The following PTDSS1 variants were observed in gnomAD, a reference collection of about 807,000 sequenced individuals.
The protein encoded by PTDSS1 is PSS-1.
Under a neutral mutation model 70.5 loss-of-function variants are expected in PTDSS1, and 45 were observed. The observed-to-expected ratio is 0.64, with a 90% CI of 0.50 to 0.82. The LOEUF (loss-of-function observed/expected upper bound fraction) is 0.82, where lower values mean the gene tolerates loss of function less well. Ranked by LOEUF, PTDSS1 falls within the 40% of genes least tolerant of loss-of-function variation. The probability of loss-of-function intolerance (pLI) is 0.00; values close to 1 mark genes in which losing one functional copy is unlikely to be tolerated. For synonymous variants in PTDSS1, 188 were observed against 203.8 expected, an observed-to-expected ratio of 0.92 and a Z score of 0.66; for missense variants, 417 against 586.1, an observed-to-expected ratio of 0.71 and a Z score of 2.98.
At chr8:96,298,898 G>A (rs1387710686) in intron 5 of PTDSS1, among the ~76,000 whole-genome samples, 1 of 151,852 alleles carries the variant, frequency 6.6e-6, no homozygotes, top group African/African-American at 2.4e-5. Context: ...AAATTAGCCG[G>A]GCATGGTGGT....
At chr8:96,316,994 A>AATAT (rs545890811) in intron 9 of PTDSS1, among the ~76,000 whole-genome samples, 6 of 147,838 alleles carry the variant, frequency 4.1e-5, no homozygotes, top group African/African-American at 9.9e-5. Context: ...ACTCCGTCTA[A>AATAT]ATATATATAT....
At chr8:96,327,794 G>T (rs560011286) in intron 10 of PTDSS1, among the ~76,000 whole-genome samples, 2 of 152,132 alleles carry the variant, frequency 1.3e-5, no homozygotes, top group Non-Finnish European at 2.9e-5. Context: ...CAGCCCCGTG[G>T]TCCTGGACAG....
intron 12 of PTDSS1, 54 bp from the exon 13 acceptor site, chr8:96,333,403 A>T: frequency 6.6e-7 from 1 of 1,511,708 alleles, no homozygotes; most frequent in Non-Finnish European, 9.2e-7. Context: ...GGAAAGGGAC[A>T]GTCACCAATC....
intron 10 of PTDSS1, among the ~76,000 whole-genome samples, chr8:96,322,566 A>G (rs1811386735): frequency 6.6e-6 from 1 of 152,074 alleles, no homozygotes; most frequent in African/African-American, 2.4e-5. Flanking sequence ...ACTCCTCATG[A>G]CCTAATCATG....
intron 9 of PTDSS1, among the ~76,000 whole-genome samples, chr8:96,313,156 A>C (rs763477437): frequency 1.3e-5 from 2 of 152,216 alleles, no homozygotes; most frequent in Non-Finnish European, 2.9e-5. Context: ...TTTCTCTTCT[A>C]TAAAGATGGT....
intron 3 of PTDSS1, among the ~76,000 whole-genome samples, chr8:96,285,215 A>C (rs947209904): frequency 1.1e-4 from 17 of 152,260 alleles, no homozygotes; most frequent in African/African-American, 3.9e-4. Context: ...CATACAAAGA[A>C]GGATCCAAGC....
chr8:96,270,109 G>C (rs1299007456), intron 1 of PTDSS1, among the ~76,000 whole-genome samples: 1 of 152,162 alleles, frequency 6.6e-6, no homozygotes, highest in Non-Finnish European at 1.5e-5. Context: ...GCCCCAGCCT[G>C]TACCAGTCAC....
intron 10 of PTDSS1, among the ~76,000 whole-genome samples, chr8:96,329,699 C>T (rs1188651320): frequency 6.6e-6 from 1 of 152,128 alleles, no homozygotes; most frequent in African/African-American, 2.4e-5. Context: ...ACTCAAAAGC[C>T]TGGAAAAGCA....
intron 10 of PTDSS1, among the ~76,000 whole-genome samples, chr8:96,324,701 G>A (rs1349285513): frequency 1.3e-5 from 2 of 152,110 alleles, no homozygotes; most frequent in African/African-American, 4.8e-5. Context: ...CCTCTTAAAG[G>A]CCCCACCTCC....
intron 5 of PTDSS1, among the ~76,000 whole-genome samples, chr8:96,295,478 G>A (rs1026858663): frequency 7.2e-5 from 11 of 152,164 alleles, no homozygotes; most frequent in Non-Finnish European, 2.9e-5. Flanking sequence ...CCTCTGTCCT[G>A]CAAGTCTTAA....
chr8:96,328,898 A>C (rs1376467134), intron 10 of PTDSS1, among the ~76,000 whole-genome samples: 2 of 152,154 alleles, frequency 1.3e-5, no homozygotes, highest in Non-Finnish European at 2.9e-5. Context: ...ACATGGATGG[A>C]GAAATAAAGC....
intron 10 of PTDSS1, among the ~76,000 whole-genome samples, chr8:96,323,467 C>G (rs1031857512): frequency 6.6e-6 from 1 of 152,218 alleles, no homozygotes; most frequent in Non-Finnish European, 1.5e-5. Context: ...AGAATTAACA[C>G]CACATGGACA....
At chr8:96,323,417 A>G (rs1007108090) in intron 10 of PTDSS1, among the ~76,000 whole-genome samples, 3 of 152,202 alleles carry the variant, frequency 2.0e-5, no homozygotes, top group Non-Finnish European at 4.4e-5. Flanking sequence ...TAGGTGGAGG[A>G]AGCCATGGCC....
intron 9 of PTDSS1, among the ~76,000 whole-genome samples, chr8:96,318,895 T>G (rs2130153631): frequency 6.9e-6 from 1 of 145,674 alleles, no homozygotes; most frequent in East Asian, 2.0e-4. Context: ...TCTTGGCCCC[T>G]TCTTGCCTTT....
chr8:96,274,726 AAAT>A (rs529721083), intron 2 of PTDSS1, among the ~76,000 whole-genome samples: 51 of 152,086 alleles, frequency 3.4e-4, no homozygotes, highest in Admixed American at 3.3e-4. Flanking sequence ...CTCCATCTCA[AAAT>A]AATAATAATA....
At chr8:96,309,961 G>A (rs1269150747) in intron 9 of PTDSS1, among the ~76,000 whole-genome samples, 3 of 151,742 alleles carry the variant, frequency 2.0e-5, no homozygotes, top group African/African-American at 7.3e-5. Flanking sequence ...CCAGGAATTC[G>A]AGACTAACCT....
intron 9 of PTDSS1, among the ~76,000 whole-genome samples, chr8:96,310,865 A>C (rs1420353423): frequency 6.6e-6 from 1 of 151,818 alleles, no homozygotes; most frequent in Non-Finnish European, 1.5e-5. Flanking sequence ...TCCCAGGTTC[A>C]AGCGATTCTC....
intron 10 of PTDSS1, among the ~76,000 whole-genome samples, chr8:96,328,166 G>T (rs1223137367): frequency 2.0e-5 from 3 of 152,172 alleles, no homozygotes; most frequent in African/African-American, 7.2e-5. Context: ...CCGCGTGCCT[G>T]CCCTCTGGTG....
intron 3 of PTDSS1, among the ~76,000 whole-genome samples, chr8:96,285,516 C>T (rs1444308541): frequency 6.6e-6 from 1 of 152,172 alleles, no homozygotes; most frequent in Non-Finnish European, 1.5e-5. Flanking sequence ...ACGTGCATAC[C>T]TCCCATTGAT....
Sources: allele counts gnomAD v4.1 joint callset (sites outside exome capture counted in the v4.1 genomes callset), GRCh38; gene constraint gnomAD v4.1.1; transcripts MANE v1.5; gene names NCBI Gene and HGNC (gene_info 2026-07-23, HGNC 2026-07-21).